Variants in PABPN1 observed in about 807,000 individuals in gnomAD.
PABPN1 encodes polyadenylate-binding protein 2.
Under a neutral mutation model 33.4 loss-of-function variants are expected in PABPN1, and 5 were observed. The observed-to-expected ratio is 0.15, with a 90% CI of 0.08 to 0.32. The LOEUF (loss-of-function observed/expected upper bound fraction) is 0.32, where lower values mean the gene tolerates loss of function less well. PABPN1 is among the 10% of genes least tolerant of loss of function. PABPN1 has a pLI of 1.00. For missense variants in PABPN1, 312 were observed against 425.8 expected (o/e 0.73, Z 2.35); for synonymous variants, 176 against 170.6 (o/e 1.03, Z -0.25).
intron 4 of PABPN1, 38 bp downstream of exon 4, chr14:23,323,521 C>T (rs1352976745): frequency 2.6e-6 from 4 of 1,552,576 alleles, no homozygotes; most frequent in African/African-American, 1.4e-5. Context: ...ATTTAAATTA[C>T]AGTGTACAAA....
chr14:23,325,264 C>T lies in PABPN1; in HGVS notation c.899C>T (p.Thr300Ile). The T allele has an allele frequency of 1.9e-6, 3 of 1,602,838 alleles. No homozygotes were observed. Among genetic ancestry groups the T allele is most frequent in the Non-Finnish European group, 2.5e-6 (3 of 1,177,760 alleles). The change falls in exon 7 of 7, where the codon ACA becomes ATA. Residue 300 changes from threonine (T) to isoleucine (I), a missense_variant. Physicochemically the swap from Thr to Ile is moderately conservative, Grantham distance 89. Coordinates refer to ENST00000216727, the MANE Select transcript of PABPN1 (RefSeq NM_004643.4). ...GRVYRGRARATSWYSPY is the reference protein window; with the variant it reads ...GRVYRGRARAISWYSPY ...TCTTCCAGGGGCCGGGCTAGAGCGACATCATGGTATTCCCCTTACTAAAAA... is the reference window on the plus strand; with the variant it reads ...TCTTCCAGGGGCCGGGCTAGAGCGATATCATGGTATTCCCCTTACTAAAAA...
At chr14:23,324,368 C>T (rs1436379299) in intron 6 of PABPN1, 79 bp downstream of exon 6, 22 of 1,577,294 alleles carry the variant, frequency 1.4e-5, no homozygotes, top group Non-Finnish European at 1.6e-5. Context: ...TCTGAGGAAC[C>T]TCCCTCCCCC....
intron 1 of PABPN1, 165 bp from the exon 2 acceptor site, chr14:23,322,016 C>T: frequency 3.7e-6 from 3 of 813,148 alleles, no homozygotes; most frequent in Admixed American, 2.3e-5. Context: ...GTCACGGTTG[C>T]CTAGTGTTGT....
In PABPN1 at chr14:23,324,125, A is replaced by G. The variant is rs1359911267; in HGVS notation, c.730-13A>G. On this transcript the variant is annotated splice_polypyrimidine_tract_variant and intron_variant, in intron 5 of 6. Coordinates refer to ENST00000216727, the MANE Select transcript of PABPN1 (RefSeq NM_004643.4). ...TTGCCTTTAAGGCTATCATTTGTTC[A>G]TCTCTGACTCAGGTGATCCCAAAAC... 4.3e-6 allele frequency: 7 copies of G among 1,614,024 alleles called. No homozygotes were observed. Among genetic ancestry groups the G allele is most frequent in the Non-Finnish European group, 5.9e-6 (7 of 1,180,022 alleles).
Position 23,325,267 on chromosome 14 carries a change from C to T in PABPN1, c.902C>T (p.Ser301Leu). ...RVYRGRARAT[S>L]WYSPY ...TCCAGGGGCCGGGCTAGAGCGACAT[C>T]ATGGTATTCCCCTTACTAAAAAAAG... The change falls in exon 7 of 7, where the codon TCA becomes TTA. Residue 301 changes from serine (S) to leucine (L), a missense_variant. This residue lies in a region of PABPN1 where 68 missense variants were observed against 71.1 expected (regional missense o/e 0.96). Coordinates refer to ENST00000216727, the MANE Select transcript of PABPN1 (RefSeq NM_004643.4). 2 of 1,604,946 alleles carry T rather than the reference C, an allele frequency of 1.2e-6. No individual in the cohort carries two copies. The highest frequency in any genetic ancestry group is 1.7e-6 in the Non-Finnish European group (2 of 1,178,602).
intron 4 of PABPN1, 136 bp downstream of exon 4, chr14:23,323,619 G>C: frequency 1.1e-6 from 1 of 907,724 alleles, no homozygotes; most frequent in East Asian, 2.6e-5. Context: ...CATTAATGTT[G>C]ATATATCAGG....
At chr14:23,322,676 A>G in intron 2 of PABPN1, 1 of 469,040 alleles carries the variant, frequency 2.1e-6, no homozygotes, top group Non-Finnish European at 3.9e-6. Context: ...TAATCTAGAA[A>G]TGTGGAGTCT....
chr14:23,322,523 G>A (rs768148232), intron 2 of PABPN1: 1 of 565,666 alleles, frequency 1.8e-6, no homozygotes, highest in Non-Finnish European at 3.2e-6. Context: ...TTATAATTGT[G>A]TTGCTCTTTG....
At position 23,325,684 on chromosome 14, in the gene PABPN1, T is replaced by C; in HGVS notation, c.*398T>C. The C allele has an allele frequency of 5.4e-6, 1 of 183,980 alleles. No homozygotes were observed. Among genetic ancestry groups the C allele is most frequent in the Non-Finnish European group, 1.1e-5 (1 of 87,142 alleles). 11.4% of individuals were successfully genotyped at this position (183,980 alleles called of 1,614,324 possible). A position where few individuals can be genotyped will look rare whatever the true frequency, so the allele number is the denominator to read the frequency against. Reference sequence around the variant, plus strand: ...GAAGGACACCAAACTGTTCTGCTTGTTACCTTCCCTCCGTCTTCTCCTCGC... The same window carrying C: ...GAAGGACACCAAACTGTTCTGCTTGCTACCTTCCCTCCGTCTTCTCCTCGC... On this transcript the variant is annotated 3_prime_UTR_variant, in exon 7 of 7. Transcript: ENST00000216727.
chr14:23,321,820 G>A lies in PABPN1; in HGVS notation c.351G>A (p.Pro117=). Residue 117 remains proline, a splice_region_variant and synonymous_variant, in exon 1 of 7, where the codon CCG becomes CCA. Transcript: ENST00000216727. ...GDPGDGAIED[P]ELEAIKARVR... ...CGGGGGACGGCGCCATTGAGGACCCGGTGAGGGAAGGAGGGCGAGCGAGCA... is the reference window on the plus strand; with the variant it reads ...CGGGGGACGGCGCCATTGAGGACCCAGTGAGGGAAGGAGGGCGAGCGAGCA... 6.8e-7 allele frequency: 1 copy of A among 1,477,842 alleles called. No homozygotes were observed. The highest frequency in any genetic ancestry group is 9.0e-7 in the Non-Finnish European group (1 of 1,115,008). 91.5% of individuals were successfully genotyped at this position (1,477,842 alleles called of 1,614,324 possible).
In PABPN1 at chr14:23,325,345, G is replaced by GAAAAAAAAAAAAAAAAAAA; in HGVS notation, c.*61_*62insAAAAAAAAAAAAAAAAAAA. 2 of 1,115,720 alleles carry GAAAAAAAAAAAAAAAAAAA rather than the reference G, an allele frequency of 1.8e-6. No homozygotes were observed. Among genetic ancestry groups the GAAAAAAAAAAAAAAAAAAA allele is most frequent in the East Asian group, 3.0e-5 (1 of 33,474 alleles). 69.1% of individuals were successfully genotyped at this position (1,115,720 alleles called of 1,614,324 possible). A position where few individuals can be genotyped will look rare whatever the true frequency, so the allele number is the denominator to read the frequency against. On this transcript the variant is annotated 3_prime_UTR_variant, in exon 7 of 7. Coordinates refer to ENST00000216727, the MANE Select transcript of PABPN1 (RefSeq NM_004643.4). ...AAAGAGGAAAGAAGGAAAAAAAAAA[G>GAAAAAAAAAAAAAAAAAAA]AATTAAAAAAAAAAAAAAGAAAAAC...
chr14:23,325,576 TG>T lies in PABPN1; in HGVS notation c.*291del. The T allele has an allele frequency of 2.5e-6, 1 of 405,516 alleles. No homozygotes were observed. 25.1% of individuals were successfully genotyped at this position (405,516 alleles called of 1,614,324 possible). ...GCGCAAGCTGCTGCCCATGTTTCCC[TG>T]CCCCACTTCACCCCCTTGGGGGCTG... On this transcript the variant is annotated 3_prime_UTR_variant, in exon 7 of 7. Coordinates refer to ENST00000216727, the MANE Select transcript of PABPN1 (RefSeq NM_004643.4).
At chr14:23,321,986 C>T in intron 1 of PABPN1, 166 bp downstream of exon 1, 1 of 783,540 alleles carries the variant, frequency 1.3e-6, no homozygotes, top group Non-Finnish European at 2.0e-6. Context: ...TACAAGGGGC[C>T]CGACTGGCTT....
chr14:23,323,903 G>T, intron 4 of PABPN1, 62 bp from the exon 5 acceptor site: 2 of 1,568,140 alleles, frequency 1.3e-6, no homozygotes, highest in East Asian at 4.5e-5. Flanking sequence ...CATGCCTGCA[G>T]GTTGAATTTG....
chr14:23,322,540 G>A, intron 2 of PABPN1: 2 of 541,918 alleles, frequency 3.7e-6, no homozygotes, highest in Non-Finnish European at 3.3e-6. Context: ...TTTGTTCTTA[G>A]TCTACGTCTA....
chr14:23,324,389 C>G (rs530858154), intron 6 of PABPN1, 100 bp downstream of exon 6: 15 of 1,312,180 alleles, frequency 1.1e-5, no homozygotes, highest in East Asian at 4.2e-5. Context: ...CACCCCTCCC[C>G]GTGGTCTTCA....
At chr14:23,323,226 G>A in intron 3 of PABPN1, 151 bp from the exon 4 acceptor site, 2 of 1,296,094 alleles carry the variant, frequency 1.5e-6, no homozygotes, top group Middle Eastern at 2.5e-4. Flanking sequence ...AATCAGCAAA[G>A]GCTCTGGGTT....
At chr14:23,321,927 G>GGGGGGGC in intron 1 of PABPN1, 107 bp downstream of exon 1, 1 of 458,120 alleles carries the variant, frequency 2.2e-6, no homozygotes, top group Non-Finnish European at 4.0e-6. Flanking sequence ...GTTGGGCGGG[G>GGGGGGGC]AATAACGTGG....
At chr14:23,322,704 C>G (rs190447712) in intron 2 of PABPN1, 1 of 487,636 alleles carries the variant, frequency 2.1e-6, no homozygotes, top group Non-Finnish European at 3.7e-6. Flanking sequence ...CTTAATTTTG[C>G]TCACTCTTAA....
Sources: allele counts gnomAD v4.1 joint callset, GRCh38; gene constraint gnomAD v4.1.1; regional missense constraint gnomAD v4.1.1; transcripts MANE v1.5; gene names NCBI Gene and HGNC (gene_info 2026-07-23, HGNC 2026-07-21).